Variants in CHODL observed in about 807,000 individuals in gnomAD.
The protein encoded by CHODL is transmembrane protein MT75.
Under a neutral mutation model 34.5 loss-of-function variants are expected in CHODL, and 29 were observed. The observed-to-expected ratio is 0.84, with a 90% CI of 0.63 to 1.15. CHODL has a LOEUF of 1.15. Among genes scored for constraint, CHODL ranks in the 50% most tolerant of loss-of-function variants. CHODL has a pLI of 0.00. For synonymous variants in CHODL, 125 were observed against 116.1 expected, an observed-to-expected ratio of 1.08 and a Z score of -0.49; for missense variants, 332 against 332.5, an observed-to-expected ratio of 1.00 and a Z score of 0.01.
chr21:17,982,493 A>G (rs948559286), intron 1 of CHODL, among the ~76,000 whole-genome samples: 3 of 152,122 alleles, frequency 2.0e-5, no homozygotes, highest in Non-Finnish European at 4.4e-5. Flanking sequence ...CAGTTAAAAA[A>G]GTAACCTCAT....
At chr21:17,975,909 A>T (rs1257214833) in intron 1 of CHODL, among the ~76,000 whole-genome samples, 1 of 152,212 alleles carries the variant, frequency 6.6e-6, no homozygotes, top group African/African-American at 2.4e-5. Context: ...ACCAACAGAT[A>T]TTTTAACTAT....
chr21:18,223,154 G>T (rs1347687036), intron 2 of CHODL, among the ~76,000 whole-genome samples: 1 of 152,052 alleles, frequency 6.6e-6, no homozygotes, highest in Non-Finnish European at 1.5e-5. Flanking sequence ...ATTATGGAGT[G>T]GTAATCAGTA....
intron 1 of CHODL, among the ~76,000 whole-genome samples, chr21:17,994,330 G>A (rs2824590): frequency 0.31 from 47,458 of 152,058 alleles, 8,197 homozygotes; most frequent in Middle Eastern, 0.39. Context: ...GCCTTCTGGT[G>A]GTGTGTATGT....
intron 1 of CHODL, among the ~76,000 whole-genome samples, chr21:17,930,389 C>A (rs961316284): frequency 7.0e-6 from 1 of 142,038 alleles, no homozygotes; most frequent in Non-Finnish European, 1.6e-5. Context: ...CCTGCATGTG[C>A]CACAATGACC....
At chr21:18,076,107 CAG>C (rs1158285237) in intron 2 of CHODL, among the ~76,000 whole-genome samples, 1 of 149,630 alleles carries the variant, frequency 6.7e-6, no homozygotes, top group Non-Finnish European at 1.5e-5. Flanking sequence ...TGGACTAAGA[CAG>C]AGAACTGGTA....
chr21:18,241,250 A>T (rs972772943), upstream of CHODL, among the ~76,000 whole-genome samples: 12 of 84,100 alleles, frequency 1.4e-4, no homozygotes, highest in Non-Finnish European at 2.1e-4. Flanking sequence ...TTACTCAGAT[A>T]AAAAAAAAAA....
intron 1 of CHODL, among the ~76,000 whole-genome samples, chr21:17,936,725 G>C (rs894774794): frequency 6.6e-6 from 1 of 152,184 alleles, no homozygotes; most frequent in Non-Finnish European, 1.5e-5. Flanking sequence ...GGATGTGACT[G>C]AGAACATACA....
At chr21:18,015,923 A>G (rs1038481171) in intron 1 of CHODL, among the ~76,000 whole-genome samples, 3 of 152,210 alleles carry the variant, frequency 2.0e-5, no homozygotes, top group African/African-American at 7.2e-5. Context: ...TCTAAAACAT[A>G]TGCTCGTTTG....
In CHODL at chr21:17,930,598, G is replaced by A. The variant is rs2063264711; in HGVS notation, c.-145+13198G>A. 2.6e-5 allele frequency among the ~76,000 whole-genome samples: 4 copies of A among 152,230 alleles called. No homozygotes were observed. The South Asian group carries it at 6.2e-4, about 24-fold the overall frequency. On this transcript the variant is annotated intron_variant, in intron 1 of 6. Transcript: ENST00000400127. ...GCCAATACCTGAACTGTGGGAATTT[G>A]AAGACATGTTTGCTGGTCCGGTCCT... is the stretch of plus-strand genomic sequence containing the variant.
chr21:18,032,241 T>C (rs993790071), intron 2 of CHODL, among the ~76,000 whole-genome samples: 6 of 152,080 alleles, frequency 3.9e-5, no homozygotes, highest in Non-Finnish European at 5.9e-5. Context: ...AAATGATAAG[T>C]GTATGAAATA....
chr21:18,163,027 A>C (rs756234262), intron 2 of CHODL, among the ~76,000 whole-genome samples: 19 of 152,206 alleles, frequency 1.2e-4, no homozygotes, highest in Non-Finnish European at 2.6e-4. Context: ...ATTTGTAGCT[A>C]TCTATACCTA....
intron 2 of CHODL, among the ~76,000 whole-genome samples, chr21:18,046,902 C>T (rs2064450453): frequency 6.6e-6 from 1 of 151,786 alleles, no homozygotes; most frequent in African/African-American, 2.4e-5. Flanking sequence ...GGGCAAAGTT[C>T]CATAAGCCAA....
chr21:18,179,088 C>A (rs772241385), intron 2 of CHODL, among the ~76,000 whole-genome samples: 5 of 152,088 alleles, frequency 3.3e-5, no homozygotes, highest in Non-Finnish European at 5.9e-5. Context: ...ATAAACTTAT[C>A]CTTGATATTG....
intron 2 of CHODL, among the ~76,000 whole-genome samples, chr21:18,148,772 T>C (rs191488842): frequency 1.1e-4 from 16 of 150,002 alleles, no homozygotes; most frequent in African/African-American, 3.7e-4. Context: ...ATATAAGAAA[T>C]CTTTCTATTA....
intron 1 of CHODL, among the ~76,000 whole-genome samples, chr21:17,979,497 G>GA (rs1237636060): frequency 6.6e-6 from 1 of 151,952 alleles, no homozygotes; most frequent in Non-Finnish European, 1.5e-5. Context: ...TGTAAGTTTT[G>GA]AAAAATTTTT....
At chr21:18,111,060 A>G (rs1314741071) in intron 2 of CHODL, among the ~76,000 whole-genome samples, 5 of 152,162 alleles carry the variant, frequency 3.3e-5, no homozygotes, top group Non-Finnish European at 7.3e-5. Flanking sequence ...AGAGTGTAAT[A>G]TTCTAGAATT....
intron 2 of CHODL, among the ~76,000 whole-genome samples, chr21:18,113,031 A>C (rs912288823): frequency 3.3e-5 from 5 of 152,196 alleles, no homozygotes; most frequent in Non-Finnish European, 5.9e-5. Flanking sequence ...ACAGGGTATA[A>C]ATAACCAGAG....
At chr21:18,157,163 C>T (rs77039766) in intron 2 of CHODL, among the ~76,000 whole-genome samples, 9,333 of 152,246 alleles carry the variant, frequency 0.061, 462 homozygotes, top group East Asian at 0.23. Context: ...ATATACACCT[C>T]TCAGTTGGAG....
At chr21:18,256,483 T>A (rs1265296001) in intron 1 of CHODL, 26 bp from the exon 2 acceptor site, 3 of 1,565,606 alleles carry the variant, frequency 1.9e-6, no homozygotes, top group Non-Finnish European at 2.6e-6. Context: ...ATTATCAATA[T>A]ATGGGCATCT....
Sources: allele counts gnomAD v4.1 joint callset (sites outside exome capture counted in the v4.1 genomes callset), GRCh38; gene constraint gnomAD v4.1.1; transcripts MANE v1.5; gene names NCBI Gene and HGNC (gene_info 2026-07-23, HGNC 2026-07-21).